Variants in CCDC14 observed in about 807,000 individuals in gnomAD.
The protein encoded by CCDC14 is coiled-coil domain containing 14.
CCDC14 carries 71 observed loss-of-function variants against 81.4 expected under a neutral mutation model. The ratio of observed to expected loss-of-function variants is 0.87; its 90% CI spans 0.72 to 1.06. The LOEUF (loss-of-function observed/expected upper bound fraction) is 1.06, where lower values mean the gene tolerates loss of function less well. CCDC14 is among the 50% of genes least tolerant of loss of function. CCDC14 has a pLI of 0.00. For synonymous variants in CCDC14, 332 were observed against 364.8 expected (o/e 0.91, Z 1.03); for missense variants, 1,046 against 1,047.3 (o/e 1.00, Z 0.02).
chr3:123,904,622 G>GAA (rs35632545), intron 5 of CCDC14, among the ~76,000 whole-genome samples: 100,553 of 144,348 alleles, frequency 0.7, 40,159 homozygotes, highest in Non-Finnish European at 0.92. Context: ...TGGAAAAAAA[G>GAA]AAAAAAAAAA....
At chr3:123,908,578 G>C (rs114422999), downstream of CCDC14, among the ~76,000 whole-genome samples, 48 of 152,178 alleles carry the variant, frequency 3.2e-4, no homozygotes, top group African/African-American at 1.1e-3. Flanking sequence ...ATATACCATG[G>C]CATTTCCTCA....
chr3:123,919,008 G>A (rs959513345), intron 12 of CCDC14, among the ~76,000 whole-genome samples: 18 of 151,670 alleles, frequency 1.2e-4, no homozygotes, highest in Non-Finnish European at 1.8e-4. Flanking sequence ...GCAAGTATGC[G>A]GTGGCACCTA....
chr3:123,941,148 A>T (rs570862440), intron 9 of CCDC14, among the ~76,000 whole-genome samples: 5 of 152,108 alleles, frequency 3.3e-5, no homozygotes, highest in African/African-American at 1.2e-4. Flanking sequence ...AATACCCACC[A>T]AACTCCCATC....
chr3:123,937,293 A>G (rs1189700214), intron 9 of CCDC14, among the ~76,000 whole-genome samples: 1 of 152,048 alleles, frequency 6.6e-6, no homozygotes, highest in Non-Finnish European at 1.5e-5. Flanking sequence ...ATTATTTTAC[A>G]TTCCCATCAG....
chr3:123,913,205 T>G (rs2034486726), downstream of CCDC14, among the ~76,000 whole-genome samples: 1 of 152,226 alleles, frequency 6.6e-6, no homozygotes, highest in African/African-American at 2.4e-5. Flanking sequence ...ATACTAAGCT[T>G]CTGCTGAAGG....
At chr3:123,923,228 C>T (rs1177995033) in intron 12 of CCDC14, among the ~76,000 whole-genome samples, 2 of 152,062 alleles carry the variant, frequency 1.3e-5, no homozygotes, top group Non-Finnish European at 2.9e-5. Flanking sequence ...TACATTTCAA[C>T]ACTCTTTCAT....
intron 1 of CCDC14, among the ~76,000 whole-genome samples, chr3:123,959,146 T>C (rs2037519817): frequency 6.6e-6 from 1 of 152,232 alleles, no homozygotes; most frequent in Admixed American, 6.5e-5. Flanking sequence ...TCAATTCTTT[T>C]GGATAAATTC....
At chr3:123,887,516 A>C in the CCDC14 span, among the ~76,000 whole-genome samples, 1 of 152,102 alleles carries the variant, frequency 6.6e-6, no homozygotes, top group Non-Finnish European at 1.5e-5. Context: ...GCTTATAAAC[A>C]AGAAACATTA....
At chr3:123,932,910 C>T (rs1277964477) in intron 10 of CCDC14, among the ~76,000 whole-genome samples, 1 of 151,906 alleles carries the variant, frequency 6.6e-6, no homozygotes, top group Non-Finnish European at 1.5e-5. Flanking sequence ...ACCAGCCTGG[C>T]CAACATGATG....
intron 12 of CCDC14, among the ~76,000 whole-genome samples, chr3:123,922,910 A>G (rs1207620875): frequency 6.6e-6 from 1 of 152,150 alleles, no homozygotes; most frequent in East Asian, 1.9e-4. Context: ...GTTCTTGTTG[A>G]ACACTTGAAA....
intron 9 of CCDC14, among the ~76,000 whole-genome samples, chr3:123,944,195 T>C (rs1258179738): frequency 2.0e-5 from 3 of 152,254 alleles, no homozygotes; most frequent in Admixed American, 6.5e-5. Flanking sequence ...CCCTACACAT[T>C]TGGTCATATA....
In CCDC14 at chr3:123,944,836, G is replaced by A. The variant is rs1423181928; in HGVS notation, c.1343+13C>T. 2 of 1,595,824 alleles carry A rather than the reference G, an allele frequency of 1.3e-6. No individual in the cohort carries two copies. The highest frequency in any genetic ancestry group is 2.3e-5 in the East Asian group (1 of 44,440). ...TTGCATACAGACAAAAATATTCAAA[G>A]AGCAATTCTTACCTTCGTAACTGAG... On this transcript the variant is annotated intron_variant, in intron 9 of 12. Coordinates refer to ENST00000409697, the MANE Select transcript of CCDC14 (RefSeq NM_001366335.1).
chr3:123,944,815 A>C (rs2036538478), intron 9 of CCDC14, 34 bp downstream of exon 9: 1 of 1,580,258 alleles, frequency 6.3e-7, no homozygotes, highest in African/African-American at 1.3e-5. Context: ...ACATCTTTGC[A>C]TACAGACAAA....
intron 5 of CCDC14, among the ~76,000 whole-genome samples, chr3:123,904,921 G>A (rs764476930): frequency 7.2e-5 from 11 of 152,156 alleles, no homozygotes; most frequent in Non-Finnish European, 1.6e-4. Flanking sequence ...TGAATGGGGG[G>A]AGAAAGGATC....
rs2148895465 is a variant in CCDC14, at chr3:123,940,616, A to G, written c.1343+4233T>C. ...TTTCCTTAAAAAGTTGTTACTCCCCAGCAATTCACCTTTCACTGCATTCAC... is the reference window on the plus strand; with the variant it reads ...TTTCCTTAAAAAGTTGTTACTCCCCGGCAATTCACCTTTCACTGCATTCAC... On this transcript the variant is annotated intron_variant, in intron 9 of 12. Transcript: ENST00000409697. Among the ~76,000 whole-genome samples the G allele has an allele frequency of 2.0e-5, 3 of 152,086 alleles. 1 individual carries two copies. The South Asian group carries it at 6.2e-4, about 32-fold the overall frequency.
downstream of CCDC14, among the ~76,000 whole-genome samples, chr3:123,910,820 T>G (rs1456117570): frequency 2.0e-5 from 3 of 152,152 alleles, no homozygotes; most frequent in Non-Finnish European, 4.4e-5. Flanking sequence ...CTGCAGAGAT[T>G]TAGTTAGGTC....
intron 9 of CCDC14, 63 bp downstream of exon 9, chr3:123,944,786 C>T: frequency 1.5e-6 from 2 of 1,354,732 alleles, no homozygotes; most frequent in Non-Finnish European, 2.0e-6. Flanking sequence ...GTCATTTGCA[C>T]CTTTGTTCTG....
the CCDC14 span, among the ~76,000 whole-genome samples, chr3:123,892,018 G>A: frequency 5.3e-5 from 8 of 152,082 alleles, no homozygotes; most frequent in Non-Finnish European, 1.2e-4. Flanking sequence ...GAGAGCTTGT[G>A]CAGGGAAACT....
At chr3:123,956,164 G>T (rs2037317887) in intron 3 of CCDC14, 49 bp from the exon 4 acceptor site, 3 of 1,434,170 alleles carry the variant, frequency 2.1e-6, no homozygotes, top group Non-Finnish European at 2.8e-6. Flanking sequence ...GACTGTTAGT[G>T]TAGGAAAAAA....
Sources: gnomAD v4.1 joint callset for allele counts (sites outside exome capture counted in the v4.1 genomes callset) on GRCh38, gnomAD v4.1.1 for gene constraint, MANE v1.5 for transcripts, NCBI Gene and HGNC (gene_info 2026-07-23, HGNC 2026-07-21) for gene names.